NSUN2: variants seen among roughly 807,000 people sequenced by gnomAD.
NSUN2 encodes RNA cytosine C(5)-methyltransferase NSUN2.
In NSUN2, 63 loss-of-function variants were observed where a neutral mutation model predicts 92.7. That is an observed-to-expected ratio of 0.68 (90% CI 0.56 to 0.84). NSUN2 has a LOEUF of 0.84. NSUN2 is among the 40% of genes least tolerant of loss of function. The pLI, the probability that NSUN2 is intolerant of heterozygous loss-of-function variation, is 0.00. For missense variants in NSUN2, 989 were observed against 964.9 expected, an observed-to-expected ratio of 1.02 and a Z score of -0.33; for synonymous variants, 356 against 348.3, an observed-to-expected ratio of 1.02 and a Z score of -0.25.
intron 4 of NSUN2, among the ~76,000 whole-genome samples, chr5:6,624,432 C>G (rs879710167): frequency 1.3e-5 from 2 of 152,154 alleles, no homozygotes; most frequent in Admixed American, 1.3e-4. Context: ...ACATTTGCTA[C>G]CCACCCTAAA....
chr5:6,625,457 G>A (rs930195227), intron 4 of NSUN2, 107 bp downstream of exon 4: 23 of 738,882 alleles, frequency 3.1e-5, no homozygotes, highest in Middle Eastern at 3.7e-4. Flanking sequence ...TACTGTGTGT[G>A]ATGTCCACCT....
chr5:6,602,984 G>A (rs957803798), intron 17 of NSUN2, among the ~76,000 whole-genome samples: 2 of 152,162 alleles, frequency 1.3e-5, no homozygotes, highest in Non-Finnish European at 2.9e-5. Flanking sequence ...TTCTTGCCTG[G>A]AGACGGCAGT....
rs778334631 is a variant in NSUN2 at position 6,632,675 on chromosome 5, C to G, written c.178G>C (p.Glu60Gln). 6.2e-7 allele frequency: 1 copy of G among 1,614,164 alleles called. No homozygotes were observed. The highest frequency in any genetic ancestry group is 1.1e-5 in the South Asian group (1 of 91,082). ...TCCATGAACTGGCCCCACTCGCCCT[C>G]GGGCACGATCTTGAGCTCCTGGTAG... ...HYYQELKIVP[E>Q]GEWGQFMDAL... Residue 60 changes from glutamate to glutamine, a missense_variant, in exon 2 of 19, where the codon GAG (glutamate) becomes CAG (glutamine). Physicochemically the swap from Glu to Gln is conservative, Grantham distance 29 (BLOSUM62 2). Transcript: ENST00000264670.
intron 4 of NSUN2, among the ~76,000 whole-genome samples, chr5:6,623,630 T>C (rs1737547045): frequency 6.6e-6 from 1 of 152,166 alleles, no homozygotes; most frequent in South Asian, 2.1e-4. Flanking sequence ...TTTAAACAAA[T>C]ACCTTCAACA....
At chr5:6,610,364 C>T (rs1736937686) in intron 11 of NSUN2, among the ~76,000 whole-genome samples, 1 of 152,008 alleles carries the variant, frequency 6.6e-6, no homozygotes. Context: ...AGGATTGGGC[C>T]ACTGCACCTG....
chr5:6,617,905 G>C lies in NSUN2; in HGVS notation c.890+45C>G, dbSNP rs769110809. 5 of 1,419,660 alleles carry C rather than the reference G, an allele frequency of 3.5e-6. No homozygotes were observed. The Admixed American group carries it at 8.8e-5, about 25-fold the overall frequency. 87.9% of individuals were successfully genotyped at this position (1,419,660 alleles called of 1,614,324 possible). ...ACTTGCATAACAATAAATCTCTGCTGATCTACTTGTCACACAGTGTTAGCA... is the reference window on the plus strand; with the variant it reads ...ACTTGCATAACAATAAATCTCTGCTCATCTACTTGTCACACAGTGTTAGCA... On this transcript the variant is annotated intron_variant, in intron 8 of 18. Coordinates refer to ENST00000264670, the MANE Select transcript of NSUN2 (RefSeq NM_017755.6).
chr5:6,623,879 G>A (rs1737554214), intron 4 of NSUN2, among the ~76,000 whole-genome samples: 1 of 152,038 alleles, frequency 6.6e-6, no homozygotes, highest in South Asian at 2.1e-4. Flanking sequence ...AGTCGGCCAG[G>A]ACATCTGTTA....
chr5:6,609,696 A>G (rs905286628), intron 12 of NSUN2, 130 bp downstream of exon 12: 6 of 672,660 alleles, frequency 8.9e-6, no homozygotes, highest in Non-Finnish European at 1.5e-5. Flanking sequence ...CCCCTCATTC[A>G]GGGTCAGCTC....
Position 6,600,024 on chromosome 5 carries a change from G to A in NSUN2, c.2206C>T (p.Gln736Ter). The change falls in exon 19 of 19, where the codon CAG becomes TAG. Residue 736 changes from glutamine to a stop codon, truncating the protein, a stop_gained. Coordinates refer to ENST00000264670, the MANE Select transcript of NSUN2 (RefSeq NM_017755.6). LOFTEE classifies it low-confidence loss of function (END_TRUNC). The part of the protein sequence containing the change: ...GQPDNDVTEG[Q>*]RAGEPNSPDA... ...GGGCTGTTGGGCTCTCCTGCTCTCTGTCCCTCAGTCACGTCATTGTCTGGC... is the reference window on the plus strand; with the variant it reads ...GGGCTGTTGGGCTCTCCTGCTCTCTATCCCTCAGTCACGTCATTGTCTGGC... 1 of 1,614,212 alleles carries A rather than the reference G, an allele frequency of 6.2e-7. No homozygotes were observed. Among genetic ancestry groups the A allele is most frequent in the South Asian group, 1.1e-5 (1 of 91,084 alleles).
chr5:6,630,492 G>A (rs1018877989), intron 3 of NSUN2, among the ~76,000 whole-genome samples: 1 of 152,140 alleles, frequency 6.6e-6, no homozygotes, highest in African/African-American at 2.4e-5. Flanking sequence ...TTTTAGTAGA[G>A]ATAGGGTTTC....
chr5:6,610,908 G>A, intron 11 of NSUN2, 47 bp downstream of exon 11: 1 of 1,608,712 alleles, frequency 6.2e-7, no homozygotes, highest in Non-Finnish European at 8.5e-7. Flanking sequence ...CCAGGGATGG[G>A]GCTTAACCTT....
At chr5:6,632,475 G>A in intron 2 of NSUN2, 124 bp downstream of exon 2, 1 of 1,157,992 alleles carries the variant, frequency 8.6e-7, no homozygotes. Context: ...AATGCTTCCT[G>A]AATCCAAACC....
Position 6,604,650 on chromosome 5 carries a change from A to C in NSUN2, c.1773T>G (p.Asn591Lys). 6.2e-7 allele frequency: 1 copy of C among 1,614,164 alleles called. No individual in the cohort carries two copies. Residue 591 changes from asparagine to lysine, a missense_variant, in exon 16 of 19, where the codon AAT (asparagine) becomes AAG (lysine). Around this residue, in one of 3 missense-constraint regions of NSUN2, gnomAD observed 626 missense variants for 602.3 expected, o/e 1.04. Transcript: ENST00000264670. ...INTGIKVWCR[N>K]NSGEEFDCAF... ...CACAGTCAAACTCTTCACCGCTGTT[A>C]TTTCTACACCAGACTTTGATCCCCG...
At chr5:6,602,870 A>G (rs975202437) in intron 17 of NSUN2, among the ~76,000 whole-genome samples, 4 of 152,238 alleles carry the variant, frequency 2.6e-5, no homozygotes, top group Non-Finnish European at 5.9e-5. Context: ...AAATACATAA[A>G]AATTGTCTAA....
At chr5:6,617,515 C>CT (rs1472220493) in intron 8 of NSUN2, among the ~76,000 whole-genome samples, 1 of 152,170 alleles carries the variant, frequency 6.6e-6, no homozygotes. Context: ...TGAGATTTCT[C>CT]TTTAAGAATT....
At chr5:6,607,127 T>C (rs945996701) in intron 13 of NSUN2, 73 bp downstream of exon 13, 6 of 1,495,904 alleles carry the variant, frequency 4.0e-6, no homozygotes, top group Non-Finnish European at 5.5e-6. Flanking sequence ...GAAGTGGCTC[T>C]GGGATCCCAT....
In NSUN2 at chr5:6,611,664, G is replaced by C; in HGVS notation, c.1095+61C>G. 2.9e-6 allele frequency: 4 copies of C among 1,384,920 alleles called. No individual in the cohort carries two copies. In the South Asian group the frequency reaches 3.5e-5, roughly 12 times the overall value. The allele number at this position is 1,384,920 out of a possible 1,614,324, so 85.8% of individuals were successfully genotyped here. On this transcript the variant is annotated intron_variant, in intron 10 of 18. Coordinates refer to ENST00000264670, the MANE Select transcript of NSUN2 (RefSeq NM_017755.6). Reference sequence around the variant, plus strand: ...CTCACACGTGAATGCTTTGAAACTTGACTCTACTTCAGTGATGCTGCACCT... The same window carrying C: ...CTCACACGTGAATGCTTTGAAACTTCACTCTACTTCAGTGATGCTGCACCT...
At chr5:6,606,528 G>A (rs1336148185) in intron 14 of NSUN2, among the ~76,000 whole-genome samples, 7 of 151,986 alleles carry the variant, frequency 4.6e-5, no homozygotes, top group East Asian at 3.9e-4. Context: ...CTCGTGCTCC[G>A]CCCGTCTCGG....
chr5:6,615,668 G>A (rs1286578831), intron 9 of NSUN2, among the ~76,000 whole-genome samples: 1 of 152,214 alleles, frequency 6.6e-6, no homozygotes, highest in Non-Finnish European at 1.5e-5. Flanking sequence ...AGCCGCCAAG[G>A]GGAGCCTCAC....
Sources: gnomAD v4.1 joint callset for allele counts (sites outside exome capture counted in the v4.1 genomes callset) on GRCh38, gnomAD v4.1.1 for gene constraint, gnomAD v4.1.1 regional missense constraint, MANE v1.5 for transcripts, NCBI Gene and HGNC (gene_info 2026-07-23, HGNC 2026-07-21) for gene names.